LPCAT1: variants seen among roughly 807,000 people sequenced by gnomAD.
LPCAT1 encodes lysophosphatidylcholine acyltransferase 1, also known as 1-acylglycerol-3-phosphate O-acyltransferase.
In LPCAT1, 23 loss-of-function variants were observed where a neutral mutation model predicts 60.9. The observed-to-expected ratio is 0.38, with a 90% CI of 0.27 to 0.53. The LOEUF (loss-of-function observed/expected upper bound fraction) is 0.53, where lower values mean the gene tolerates loss of function less well. LPCAT1 is among the 20% of genes least tolerant of loss of function. LPCAT1 has a pLI of 0.82. For synonymous variants in LPCAT1, 340 were observed against 301.1 expected (o/e 1.13, Z -1.34); for missense variants, 622 against 723.6 (o/e 0.86, Z 1.61).
chr5:1,513,654 T>A (rs959449519), intron 1 of LPCAT1, among the ~76,000 whole-genome samples: 3 of 146,598 alleles, frequency 2.0e-5, no homozygotes, highest in Non-Finnish European at 4.5e-5. Context: ...TTATGTTTCC[T>A]CCATTTCCAC....
chr5:1,465,205 AACAC>A (rs200690308), intron 13 of LPCAT1, among the ~76,000 whole-genome samples: 1 of 128,700 alleles, frequency 7.8e-6, no homozygotes, highest in Non-Finnish European at 1.6e-5. Flanking sequence ...ACAGTAACTA[AACAC>A]ACATGCGTGC....
At chr5:1,463,856 G>A (rs1734212286) in intron 13 of LPCAT1, 21 bp from the exon 14 acceptor site, 1 of 1,612,048 alleles carries the variant, frequency 6.2e-7, no homozygotes, top group Non-Finnish European at 8.5e-7. Context: ...AAAGGCACCT[G>A]TGGTTATGGA....
At chr5:1,515,621 C>T (rs1736485792) in intron 1 of LPCAT1, among the ~76,000 whole-genome samples, 1 of 151,780 alleles carries the variant, frequency 6.6e-6, no homozygotes, top group African/African-American at 2.4e-5. Flanking sequence ...TGGGACCCTC[C>T]CCCACCTCCC....
chr5:1,494,292 T>G (rs1006506820), intron 3 of LPCAT1, among the ~76,000 whole-genome samples: 8 of 152,182 alleles, frequency 5.3e-5, no homozygotes, highest in Non-Finnish European at 8.8e-5. Flanking sequence ...GTGAGGGCAC[T>G]CAGGTAGCAA....
chr5:1,513,466 G>A (rs1406049681), intron 1 of LPCAT1, among the ~76,000 whole-genome samples: 1 of 152,224 alleles, frequency 6.6e-6, no homozygotes, highest in Non-Finnish European at 1.5e-5. Context: ...GAATACAGGA[G>A]GGAAGGGAGC....
At chr5:1,479,716 C>T (rs112716736) in intron 7 of LPCAT1, 41 bp from the exon 8 acceptor site, 29 of 1,505,664 alleles carry the variant, frequency 1.9e-5, no homozygotes, top group African/African-American at 9.6e-5. Context: ...ATTTACAACT[C>T]GGGTTAACAA....
intron 13 of LPCAT1, among the ~76,000 whole-genome samples, chr5:1,465,453 C>T (rs1734338275): frequency 7.1e-6 from 1 of 140,400 alleles, no homozygotes; most frequent in Non-Finnish European, 1.5e-5. Flanking sequence ...CAGGTACACA[C>T]AGTAACTAAA....
intron 1 of LPCAT1, among the ~76,000 whole-genome samples, chr5:1,508,365 G>C (rs1204551385): frequency 6.6e-6 from 1 of 152,216 alleles, no homozygotes; most frequent in Non-Finnish European, 1.5e-5. Context: ...GAGGGTGACT[G>C]TATTTGGAGA....
chr5:1,467,923 C>T (rs957648417), intron 12 of LPCAT1, among the ~76,000 whole-genome samples: 36 of 152,122 alleles, frequency 2.4e-4, no homozygotes, highest in African/African-American at 8.2e-4. Context: ...ACGGGGCCGT[C>T]GCCCTGACTC....
chr5:1,474,756 C>T (rs1005838543), intron 9 of LPCAT1, 71 bp from the exon 10 acceptor site: 2 of 1,545,274 alleles, frequency 1.3e-6, no homozygotes, highest in African/African-American at 1.4e-5. Flanking sequence ...ACCAGAATAA[C>T]CGCCGATGGC....
chr5:1,474,469 G>C (rs1335097928), intron 10 of LPCAT1, 91 bp downstream of exon 10: 1 of 1,467,620 alleles, frequency 6.8e-7, no homozygotes, highest in Non-Finnish European at 9.3e-7. Flanking sequence ...TATCTCCTCA[G>C]TTCCCCTCCC....
chr5:1,506,765 C>T (rs916568737), intron 1 of LPCAT1, among the ~76,000 whole-genome samples: 8 of 152,234 alleles, frequency 5.3e-5, no homozygotes, highest in Non-Finnish European at 8.8e-5. Flanking sequence ...AGACTCAGGT[C>T]GCTAAAGTGG....
At chr5:1,504,327 G>A (rs945353330) in intron 1 of LPCAT1, among the ~76,000 whole-genome samples, 6 of 152,238 alleles carry the variant, frequency 3.9e-5, no homozygotes, top group Admixed American at 6.5e-5. Flanking sequence ...GGAGGAGACC[G>A]TAGCCTCGGC....
Position 1,518,526 on chromosome 5 carries a change from G to A in LPCAT1, c.135+5184C>T, listed in dbSNP as rs1351646692. On this transcript the variant is annotated intron_variant, in intron 1 of 13. Coordinates refer to ENST00000283415, the MANE Select transcript of LPCAT1 (RefSeq NM_024830.5). Reference sequence around the variant, plus strand: ...CGTCTAATTTTTTGTATTTTTAGTAGAGACGGGGTTTCACCGTGTTAGCCA... The same window carrying A: ...CGTCTAATTTTTTGTATTTTTAGTAAAGACGGGGTTTCACCGTGTTAGCCA... 3.3e-5 allele frequency among the ~76,000 whole-genome samples: 5 copies of A among 152,320 alleles called. No individual in the cohort carries two copies. In the East Asian group the frequency reaches 9.7e-4, roughly 29 times the overall value.
intron 3 of LPCAT1, among the ~76,000 whole-genome samples, 185 bp downstream of exon 3, chr5:1,494,515 G>T (rs1025540675): frequency 1.3e-5 from 2 of 151,772 alleles, no homozygotes; most frequent in Non-Finnish European, 2.9e-5. Context: ...TTCCCAGAAG[G>T]GGGGGTCCCT....
At chr5:1,501,423 C>CG in intron 2 of LPCAT1, 38 bp downstream of exon 2, 1 of 1,576,482 alleles carries the variant, frequency 6.3e-7, no homozygotes, top group Non-Finnish European at 8.6e-7. Flanking sequence ...CCGCGTGACC[C>CG]CCCCCCAGGA....
In LPCAT1 at chr5:1,522,980, A is replaced by ACCGTT. The variant is rs1736718457; in HGVS notation, c.135+725_135+729dup. ...CTGTCCCATCGCAGGATCTCAGCAA[A>ACCGTT]CCGTTCCCTCCCACGTGGCAGCCCA... On this transcript the variant is annotated intron_variant, in intron 1 of 13. Coordinates refer to ENST00000283415, the MANE Select transcript of LPCAT1 (RefSeq NM_024830.5). This position sits in a 1 kb window ranked among gnomAD's most constrained non-coding sequence, Gnocchi z 6.8. 1.3e-5 allele frequency among the ~76,000 whole-genome samples: 2 copies of ACCGTT among 152,106 alleles called. No individual in the cohort carries two copies. The highest frequency in any genetic ancestry group is 3.9e-4 in the East Asian group (2 of 5,180).
In LPCAT1 at chr5:1,523,539, G is replaced by A. The variant is rs1421641733; in HGVS notation, c.135+171C>T. ...GCCGAGACCGAGGCATCGGGTGCGG[G>A]CGGCGGGGACGCGAACTGAGGGGCG... On this transcript the variant is annotated intron_variant, in intron 1 of 13. Transcript: ENST00000283415. The surrounding 1 kb of genome is among the most constrained non-coding windows in gnomAD (Gnocchi z 7.1). 1.3e-5 allele frequency among the ~76,000 whole-genome samples: 2 copies of A among 150,704 alleles called. No individual in the cohort carries two copies. Among genetic ancestry groups the A allele is most frequent in the African/African-American group, 4.9e-5 (2 of 41,236 alleles).
chr5:1,470,027 G>A (rs1296111096), intron 12 of LPCAT1, among the ~76,000 whole-genome samples: 1 of 152,268 alleles, frequency 6.6e-6, no homozygotes, highest in Non-Finnish European at 1.5e-5. Flanking sequence ...TTGCTATGGA[G>A]AGGGTGTGCT....
Sources: gnomAD v4.1 joint callset for allele counts (sites outside exome capture counted in the v4.1 genomes callset) on GRCh38, gnomAD v4.1.1 for gene constraint, Gnocchi (gnomAD v3.1) non-coding constraint, MANE v1.5 for transcripts, NCBI Gene and HGNC (gene_info 2026-07-23, HGNC 2026-07-21) for gene names.